EPB41L3: variants seen among roughly 807,000 people sequenced by gnomAD.
EPB41L3 encodes the protein erythrocyte membrane protein band 4.1 like 3, also known as band 4.1-like protein 3.
A neutral mutation model predicts 127.1 loss-of-function variants in EPB41L3; 57 were observed. The ratio of observed to expected loss-of-function variants is 0.45; its 90% CI spans 0.36 to 0.56. The LOEUF (loss-of-function observed/expected upper bound fraction) is 0.56, where lower values mean the gene tolerates loss of function less well. Among genes scored for constraint, EPB41L3 ranks in the 20% least tolerant of loss-of-function variants. The probability of loss-of-function intolerance (pLI) is 0.00; values close to 1 mark genes in which losing one functional copy is unlikely to be tolerated. For missense variants in EPB41L3, 1,273 were observed against 1,372.2 expected, an observed-to-expected ratio of 0.93 and a Z score of 1.14; for synonymous variants, 572 against 549.5, an observed-to-expected ratio of 1.04 and a Z score of -0.57.
At chr18:5,488,164 T>C (rs756781437) in intron 2 of EPB41L3, among the ~76,000 whole-genome samples, 29 of 151,816 alleles carry the variant, frequency 1.9e-4, no homozygotes, top group African/African-American at 2.2e-4. Flanking sequence ...GGAAAAAGAG[T>C]TGAAAATGTA....
intron 1 of EPB41L3, among the ~76,000 whole-genome samples, chr18:5,538,046 A>T (rs2093621048): frequency 6.6e-6 from 1 of 152,174 alleles, no homozygotes; most frequent in Non-Finnish European, 1.5e-5. Context: ...GTTGTATAGC[A>T]CTCTGCCAAT....
At chr18:5,544,316 C>T (rs142843193), upstream of EPB41L3, 8,206 of 985,406 alleles carry the variant, frequency 8.3e-3, 47 homozygotes, top group Admixed American at 0.01. Context: ...CCTCTCCAGA[C>T]CCCTCTCCCC....
chr18:5,429,715 C>T (rs1360158452), intron 8 of EPB41L3, among the ~76,000 whole-genome samples: 1 of 152,180 alleles, frequency 6.6e-6, no homozygotes, highest in African/African-American at 2.4e-5. Flanking sequence ...CTGAATTACT[C>T]TGCAGGAGTG....
In EPB41L3 at chr18:5,416,070, G is replaced by T; in HGVS notation, c.1815C>A (p.Tyr605Ter). 6.2e-7 allele frequency: 1 copy of T among 1,613,326 alleles called. No homozygotes were observed. The highest frequency in any genetic ancestry group is 8.5e-7 in the Non-Finnish European group (1 of 1,179,536). The change falls in exon 13 of 23, where the codon TAC becomes TAA. Residue 605 changes from tyrosine to a stop codon, truncating the protein, a stop_gained. Coordinates refer to ENST00000341928, the MANE Select transcript of EPB41L3 (RefSeq NM_012307.5). LOFTEE classifies it high-confidence loss of function. ...SFPSLLDDDG[Y>*]LSFPNLSETN... The stretch of plus-strand genomic sequence containing the variant: ...TTTCAGAAAGGTTGGGGAAAGAGAG[G>T]TATCCATCATCATCTAGGAGGGAGG...
At position 5,520,407 on chromosome 18, in the gene EPB41L3, A is replaced by C. The variant is rs533349935; in HGVS notation, c.-12+23506T>G. On this transcript the variant is annotated intron_variant, in intron 1 of 22. Coordinates refer to ENST00000341928, the MANE Select transcript of EPB41L3 (RefSeq NM_012307.5). Reference sequence around the variant, plus strand: ...AATAAAACAAGTAGCAAAACCTTGAACCAGCTTTTCACTATGTTACACAGA... The same window carrying C: ...AATAAAACAAGTAGCAAAACCTTGACCCAGCTTTTCACTATGTTACACAGA... 2.0e-5 allele frequency among the ~76,000 whole-genome samples: 3 copies of C among 152,304 alleles called. No homozygotes were observed. In the South Asian group the frequency reaches 6.2e-4, roughly 32 times the overall value.
intron 3 of EPB41L3, among the ~76,000 whole-genome samples, chr18:5,602,604 C>T (rs1467703241): frequency 6.6e-6 from 1 of 152,124 alleles, no homozygotes; most frequent in African/African-American, 2.4e-5. Flanking sequence ...GCCACCATGC[C>T]CGTCTAACTT....
chr18:5,450,259 T>C (rs2082112247), intron 3 of EPB41L3, among the ~76,000 whole-genome samples: 1 of 152,066 alleles, frequency 6.6e-6, no homozygotes, highest in Admixed American at 6.5e-5. Flanking sequence ...GATCATGAAA[T>C]GGTGAACGCA....
At chr18:5,416,892 G>A (rs1028582932) in intron 12 of EPB41L3, among the ~76,000 whole-genome samples, 6 of 151,512 alleles carry the variant, frequency 4.0e-5, no homozygotes, top group African/African-American at 1.2e-4. Context: ...CCTTTCCCTG[G>A]TTATTCAATT....
At chr18:5,603,674 G>C (rs2094614276) in intron 3 of EPB41L3, among the ~76,000 whole-genome samples, 1 of 152,100 alleles carries the variant, frequency 6.6e-6, no homozygotes, top group Non-Finnish European at 1.5e-5. Flanking sequence ...CTAGACCCTA[G>C]GAGTTTGAGA....
At chr18:5,413,655 C>A (rs916561647) in intron 13 of EPB41L3, among the ~76,000 whole-genome samples, 1 of 152,178 alleles carries the variant, frequency 6.6e-6, no homozygotes, top group Non-Finnish European at 1.5e-5. Context: ...AATATGAGTT[C>A]TCTAGCTCAG....
At chr18:5,423,651 C>A in intron 10 of EPB41L3, 98 bp from the exon 11 acceptor site, 2 of 1,123,056 alleles carry the variant, frequency 1.8e-6, no homozygotes, top group Non-Finnish European at 1.2e-6. Flanking sequence ...GTTTTGCATG[C>A]TAAACATTTA....
intron 3 of EPB41L3, among the ~76,000 whole-genome samples, chr18:5,590,133 A>C (rs2094473097): frequency 6.6e-6 from 1 of 152,146 alleles, no homozygotes; most frequent in African/African-American, 2.4e-5. Context: ...CATTCTTTTG[A>C]AGCGGCCTCT....
At chr18:5,536,905 T>G (rs912760835) in intron 1 of EPB41L3, among the ~76,000 whole-genome samples, 1 of 152,166 alleles carries the variant, frequency 6.6e-6, no homozygotes, top group Non-Finnish European at 1.5e-5. Flanking sequence ...TCTATTCATG[T>G]AAAATATTAT....
chr18:5,596,091 A>G (rs936717243), intron 3 of EPB41L3, among the ~76,000 whole-genome samples: 1 of 152,216 alleles, frequency 6.6e-6, no homozygotes, highest in Non-Finnish European at 1.5e-5. Flanking sequence ...GCCACCTCAC[A>G]TAGTGTCCAT....
At chr18:5,424,842 T>C (rs941932205) in intron 9 of EPB41L3, among the ~76,000 whole-genome samples, 1 of 152,214 alleles carries the variant, frequency 6.6e-6, no homozygotes, top group Non-Finnish European at 1.5e-5. Context: ...CTTAGGTAGT[T>C]GATAACTTGG....
At chr18:5,458,071 C>A (rs187520017) in intron 3 of EPB41L3, among the ~76,000 whole-genome samples, 1 of 152,222 alleles carries the variant, frequency 6.6e-6, no homozygotes, top group Admixed American at 6.5e-5. Flanking sequence ...TAAATAAATG[C>A]ATCTGGGGTT....
intron 14 of EPB41L3, among the ~76,000 whole-genome samples, chr18:5,408,027 TTGA>T (rs2075698551): frequency 6.6e-6 from 1 of 152,186 alleles, no homozygotes; most frequent in African/African-American, 2.4e-5. Context: ...CAGGTTGTTC[TTGA>T]TGAACATTAG....
chr18:5,440,482 C>T (rs372418228), intron 5 of EPB41L3, among the ~76,000 whole-genome samples: 22 of 152,004 alleles, frequency 1.4e-4, no homozygotes, highest in South Asian at 4.2e-4. Context: ...GAAGTGCTTA[C>T]GCAATAAATA....
At chr18:5,570,408 G>A (rs2094262463) in intron 3 of EPB41L3, among the ~76,000 whole-genome samples, 1 of 152,070 alleles carries the variant, frequency 6.6e-6, no homozygotes, top group South Asian at 2.1e-4. Flanking sequence ...GAAGAGGAAA[G>A]GTGTTGCTTT....
Sources: gnomAD v4.1 joint callset for allele counts (sites outside exome capture counted in the v4.1 genomes callset) on GRCh38, gnomAD v4.1.1 for gene constraint, MANE v1.5 for transcripts, NCBI Gene and HGNC (gene_info 2026-07-23, HGNC 2026-07-21) for gene names.